The following CCDC178 variants were observed in gnomAD, a reference collection of about 807,000 sequenced individuals.
CCDC178 encodes coiled-coil domain-containing protein 178.
In CCDC178, 126 loss-of-function variants were observed where a neutral mutation model predicts 117.4. The ratio of observed to expected loss-of-function variants is 1.07; its 90% CI spans 0.93 to 1.24. The LOEUF (loss-of-function observed/expected upper bound fraction) is 1.24, where lower values mean the gene tolerates loss of function less well. Among genes scored for constraint, CCDC178 ranks in the 50% most tolerant of loss-of-function variants. The pLI is 0.00. For synonymous variants in CCDC178, 283 were observed against 313.4 expected (o/e 0.90, Z 1.02); for missense variants, 1,030 against 986.9 (o/e 1.04, Z -0.59).
At chr18:33,131,683 T>C (rs1421363363) in intron 20 of CCDC178, among the ~76,000 whole-genome samples, 1 of 151,718 alleles carries the variant, frequency 6.6e-6, no homozygotes. Context: ...GAGAAATGAA[T>C]ATTAACTTGG....
intron 5 of CCDC178, among the ~76,000 whole-genome samples, chr18:33,384,716 C>T (rs1162270510): frequency 6.6e-6 from 1 of 152,132 alleles, no homozygotes; most frequent in Non-Finnish European, 1.5e-5. Context: ...GAAGGAAACA[C>T]TAAACATAGA....
intron 22 of CCDC178, among the ~76,000 whole-genome samples, chr18:32,946,272 C>T (rs2054345090): frequency 6.6e-6 from 1 of 152,080 alleles, no homozygotes; most frequent in Non-Finnish European, 1.5e-5. Context: ...TAAATTTGCC[C>T]TAAAATGCAA....
chr18:33,212,975 T>C (rs1037932849), intron 19 of CCDC178, among the ~76,000 whole-genome samples: 4 of 151,976 alleles, frequency 2.6e-5, no homozygotes, highest in Admixed American at 2.0e-4. Context: ...AGTCTACCGA[T>C]ACAGAAAATT....
At chr18:33,074,423 T>C (rs1400691112) in intron 21 of CCDC178, among the ~76,000 whole-genome samples, 1 of 152,124 alleles carries the variant, frequency 6.6e-6, no homozygotes, top group East Asian at 1.9e-4. Flanking sequence ...AGACCAAAAA[T>C]TGCACAGTAT....
At chr18:33,118,389 G>T (rs2057888906) in intron 20 of CCDC178, among the ~76,000 whole-genome samples, 1 of 151,920 alleles carries the variant, frequency 6.6e-6, no homozygotes, top group African/African-American at 2.4e-5. Context: ...GGCATAAATG[G>T]AAGTGGCTCC....
chr18:33,036,447 T>C (rs1429243926), intron 21 of CCDC178, among the ~76,000 whole-genome samples: 1 of 151,828 alleles, frequency 6.6e-6, no homozygotes, highest in Non-Finnish European at 1.5e-5. Flanking sequence ...TACATGGCTG[T>C]AAGAACACCA....
chr18:33,086,613 A>T (rs1385038935), intron 21 of CCDC178, among the ~76,000 whole-genome samples: 1 of 152,078 alleles, frequency 6.6e-6, no homozygotes, highest in Non-Finnish European at 1.5e-5. Context: ...CTTAATATTG[A>T]ATTTCTCAGA....
chr18:33,287,524 A>C (rs974775736), intron 12 of CCDC178, among the ~76,000 whole-genome samples: 2 of 152,190 alleles, frequency 1.3e-5, no homozygotes, highest in African/African-American at 2.4e-5. Flanking sequence ...CACACCTGTA[A>C]TCCCAGCACT....
chr18:33,198,766 T>C (rs2144547617), intron 20 of CCDC178, among the ~76,000 whole-genome samples: 1 of 152,316 alleles, frequency 6.6e-6, no homozygotes, highest in East Asian at 1.9e-4. Context: ...ACTCGCTTTC[T>C]CTCCTTGAAA....
At chr18:33,199,075 A>C (rs1327829980) in intron 20 of CCDC178, among the ~76,000 whole-genome samples, 1 of 152,022 alleles carries the variant, frequency 6.6e-6, no homozygotes, top group Admixed American at 6.6e-5. Context: ...TTTCTCGGTA[A>C]ACAAGCTTAG....
chr18:33,284,301 G>C (rs1342235370), intron 12 of CCDC178, among the ~76,000 whole-genome samples: 1 of 151,988 alleles, frequency 6.6e-6, no homozygotes, highest in African/African-American at 2.4e-5. Context: ...AATAACTAAT[G>C]GGTACCTGGG....
chr18:33,426,085 A>T (rs2064120600), intron 2 of CCDC178, among the ~76,000 whole-genome samples: 1 of 152,212 alleles, frequency 6.6e-6, no homozygotes, highest in Admixed American at 6.5e-5. Context: ...AGTATGATAT[A>T]GAAGGGATTA....
At chr18:33,331,954 T>C (rs967360592) in intron 10 of CCDC178, among the ~76,000 whole-genome samples, 2 of 152,228 alleles carry the variant, frequency 1.3e-5, no homozygotes, top group Non-Finnish European at 2.9e-5. Context: ...TAAGCAGTTT[T>C]GTTGCCAGAT....
chr18:33,292,429 G>T (rs1400246256), intron 12 of CCDC178, among the ~76,000 whole-genome samples: 1 of 152,038 alleles, frequency 6.6e-6, no homozygotes, highest in East Asian at 1.9e-4. Context: ...GAAGGGTAGG[G>T]GGTAGGGACA....
chr18:33,306,830 G>T (rs1456822645), intron 11 of CCDC178, among the ~76,000 whole-genome samples: 1 of 151,878 alleles, frequency 6.6e-6, no homozygotes, highest in South Asian at 2.1e-4. Context: ...TTAATCATTG[G>T]GGTGGTTTCC....
At chr18:32,995,930 T>TATCTAC (rs1295065642) in intron 21 of CCDC178, among the ~76,000 whole-genome samples, 1 of 151,604 alleles carries the variant, frequency 6.6e-6, no homozygotes, top group Admixed American at 6.6e-5. Flanking sequence ...TCTATATCTA[T>TATCTAC]ATCTATATCT....
At chr18:33,341,251 C>T (rs1389940218) in intron 9 of CCDC178, among the ~76,000 whole-genome samples, 2 of 152,152 alleles carry the variant, frequency 1.3e-5, no homozygotes, top group African/African-American at 4.8e-5. Context: ...CAATCTCTCA[C>T]ATTTGGAACA....
chr18:33,053,560 G>T (rs1322228233), intron 21 of CCDC178, among the ~76,000 whole-genome samples: 1 of 152,066 alleles, frequency 6.6e-6, no homozygotes, highest in Non-Finnish European at 1.5e-5. Flanking sequence ...GTTTCCAGGG[G>T]TAAAAATAAT....
intron 21 of CCDC178, among the ~76,000 whole-genome samples, chr18:33,071,998 C>T (rs1411570911): frequency 6.6e-6 from 1 of 151,924 alleles, no homozygotes; most frequent in Admixed American, 6.6e-5. Context: ...CAATGTGATG[C>T]TACTGTGAAT....
Sources: allele counts gnomAD v4.1 joint callset (sites outside exome capture counted in the v4.1 genomes callset), GRCh38; gene constraint gnomAD v4.1.1; transcripts MANE v1.5; gene names NCBI Gene and HGNC (gene_info 2026-07-23, HGNC 2026-07-21).